Variants in ICA1L observed in about 807,000 individuals in gnomAD.
ICA1L encodes islet cell autoantigen 1-like protein.
Under a neutral mutation model 61.3 loss-of-function variants are expected in ICA1L, and 50 were observed. That is an observed-to-expected ratio of 0.82 (90% confidence interval 0.65 to 1.03). The LOEUF is 1.03. Ranked by LOEUF, ICA1L falls within the 50% of genes least tolerant of loss-of-function variation. The pLI is 0.00. For missense variants in ICA1L, 508 were observed against 556.7 expected (o/e 0.91, Z 0.88); for synonymous variants, 161 against 191.3 (o/e 0.84, Z 1.31).
At chr2:202,838,422 C>T (rs1451033162) in intron 1 of ICA1L, among the ~76,000 whole-genome samples, 1 of 152,152 alleles carries the variant, frequency 6.6e-6, no homozygotes, top group African/African-American at 2.4e-5. Context: ...GAATGTTCTG[C>T]ATATATATGT....
intron 12 of ICA1L, among the ~76,000 whole-genome samples, chr2:202,780,694 T>G (rs930230689): frequency 6.6e-6 from 1 of 151,854 alleles, no homozygotes; most frequent in Non-Finnish European, 1.5e-5. Flanking sequence ...AGGGCTGGGG[T>G]TTGGGGTATA....
chr2:202,832,144 A>G (rs1292402325), intron 1 of ICA1L, among the ~76,000 whole-genome samples: 1 of 152,212 alleles, frequency 6.6e-6, no homozygotes, highest in African/African-American at 2.4e-5. Flanking sequence ...AGTTCAGTCA[A>G]GTTAACTGGC....
intron 1 of ICA1L, among the ~76,000 whole-genome samples, chr2:202,859,419 A>T (rs1282304266): frequency 6.6e-6 from 1 of 152,210 alleles, no homozygotes; most frequent in East Asian, 1.9e-4. Context: ...CTGAAATTTT[A>T]AAATAGTCCC....
At position 202,788,097 on chromosome 2, in the gene ICA1L, C is replaced by T. The variant is rs60424469; in HGVS notation, c.1243+733G>A. Among the ~76,000 whole-genome samples, 214 of 152,260 alleles carry T rather than the reference C, an allele frequency of 1.4e-3. 1 individual carries two copies. Among genetic ancestry groups the T allele is most frequent in the African/African-American group, 4.9e-3 (203 of 41,552 alleles). ...GAGATAGGAGATATGGGTGGAAATG[C>T]GACATAGGCAGGTTTTATCCCTGGA... On this transcript the variant is annotated intron_variant, in intron 11 of 12. Transcript: ENST00000358299.
rs570313950 is a variant in ICA1L at position 202,785,515 on chromosome 2, C to T, written c.1333+403G>A. Among the ~76,000 whole-genome samples, 207 of 152,226 alleles carry T rather than the reference C, an allele frequency of 1.4e-3. 2 individuals carry two copies. Among genetic ancestry groups the T allele is most frequent in the Non-Finnish European group, 2.4e-3 (166 of 68,016 alleles). On this transcript the variant is annotated intron_variant, in intron 12 of 12. Coordinates refer to ENST00000358299, the MANE Select transcript of ICA1L (RefSeq NM_001288622.3). ...TTGGCTCACTGCAACCTCTGCCTCC[C>T]GGGTTAGAGCAATTCTGCCTCAGCC...
chr2:202,819,873 C>CGA lies in ICA1L; in HGVS notation c.384_385dup (p.Arg129LeufsTer3), dbSNP rs1338425034. 6.2e-7 allele frequency: 1 copy of CGA among 1,613,838 alleles called. No homozygotes were observed. The highest frequency in any genetic ancestry group is 1.3e-5 in the African/African-American group (1 of 74,854). On this transcript the variant is annotated frameshift_variant, in exon 5 of 13. Coordinates refer to ENST00000358299, the MANE Select transcript of ICA1L (RefSeq NM_001288622.3). LOFTEE classifies it high-confidence loss of function. The stretch of plus-strand genomic sequence containing the variant: ...GAATGTTGCTACTTCTTGCTTCAGA[C>CGA]GAGACAGAGGAGTACACAGGGCCAA...
intron 3 of ICA1L, among the ~76,000 whole-genome samples, chr2:202,825,183 G>A (rs142834166): frequency 3.0e-4 from 46 of 152,250 alleles, no homozygotes; most frequent in African/African-American, 9.6e-4. Context: ...CAGATGCTGC[G>A]CAGGCCCAGG....
Position 202,849,120 on chromosome 2 carries a change from G to GCC in ICA1L, c.-7-20105_-7-20104insGG, listed in dbSNP as rs1295894864. Among the ~76,000 whole-genome samples, 1 of 152,176 alleles carries GCC rather than the reference G, an allele frequency of 6.6e-6. No homozygotes were observed. Among genetic ancestry groups the GCC allele is most frequent in the African/African-American group, 2.4e-5 (1 of 41,444 alleles). On this transcript the variant is annotated intron_variant, in intron 1 of 12. Transcript: ENST00000358299. This position sits in a 1 kb window ranked among gnomAD's most constrained non-coding sequence, Gnocchi z 4.5. ...ATACTATGCTTTTCTCACAGTTTTTGCAATCCGCAGACCAGAAGATTCCCA... is the reference window on the plus strand; with the variant it reads ...ATACTATGCTTTTCTCACAGTTTTTGCCCAATCCGCAGACCAGAAGATTCCCA...
Position 202,849,786 on chromosome 2 carries a change from A to G in ICA1L, c.-7-20770T>C, listed in dbSNP as rs572984366. On this transcript the variant is annotated intron_variant, in intron 1 of 12. Coordinates refer to ENST00000358299, the MANE Select transcript of ICA1L (RefSeq NM_001288622.3). The surrounding 1 kb of genome is among the most constrained non-coding windows in gnomAD (Gnocchi z 4.5). ...CAAGGAGGATTCTCCCAGCACAGCAATTGAGCTCTGCTAGGGGACAGACAG... is the reference window on the plus strand; with the variant it reads ...CAAGGAGGATTCTCCCAGCACAGCAGTTGAGCTCTGCTAGGGGACAGACAG... Among the ~76,000 whole-genome samples, 7 of 152,200 alleles carry G rather than the reference A, an allele frequency of 4.6e-5. No homozygotes were observed. Among genetic ancestry groups the G allele is most frequent in the Middle Eastern group, 3.2e-3 (1 of 316 alleles).
chr2:202,773,825 T>A lies in ICA1L; in HGVS notation c.*5708A>T, dbSNP rs1692128972. 2.2e-6 allele frequency: 3 copies of A among 1,382,364 alleles called. No homozygotes were observed. The East Asian group carries it at 6.9e-5, about 32-fold the overall frequency. 85.6% of individuals were successfully genotyped at this position (1,382,364 alleles called of 1,614,324 possible). ...GCAGGCTGTAAAAGCAAAGGCTAGCTGTGCAAGTGCAGCCCTGTGGGAAGT... is the reference window on the plus strand; with the variant it reads ...GCAGGCTGTAAAAGCAAAGGCTAGCAGTGCAAGTGCAGCCCTGTGGGAAGT... On this transcript the variant is annotated 3_prime_UTR_variant, in exon 13 of 13. Transcript: ENST00000358299.
intron 11 of ICA1L, among the ~76,000 whole-genome samples, chr2:202,787,922 G>A (rs941477203): frequency 6.6e-6 from 1 of 152,172 alleles, no homozygotes; most frequent in Admixed American, 6.5e-5. Context: ...ACACTGGATT[G>A]GGATCTAATA....
chr2:202,812,736 G>A (rs961864499), intron 8 of ICA1L, among the ~76,000 whole-genome samples: 9 of 151,946 alleles, frequency 5.9e-5, no homozygotes, highest in Admixed American at 3.9e-4. Context: ...AACCTACAGA[G>A]CAAATAAATA....
chr2:202,773,260 A>G lies in ICA1L; in HGVS notation c.*6273T>C, dbSNP rs1459998432. On this transcript the variant is annotated 3_prime_UTR_variant, in exon 13 of 13. Transcript: ENST00000358299. Reference sequence around the variant, plus strand: ...ATTTTTGTAAGTACATGAAATTTCTATTTGATTATGTGGTTTTATATCACA... The same window carrying G: ...ATTTTTGTAAGTACATGAAATTTCTGTTTGATTATGTGGTTTTATATCACA... 2 of 152,244 alleles carry G rather than the reference A, an allele frequency of 1.3e-5. No homozygotes were observed. Among genetic ancestry groups the G allele is most frequent in the African/African-American group, 4.8e-5 (2 of 41,462 alleles). 9.4% of individuals were successfully genotyped at this position (152,244 alleles called of 1,614,324 possible). A position where few individuals can be genotyped will look rare whatever the true frequency, so the allele number is the denominator to read the frequency against.
In ICA1L at chr2:202,776,460, G is replaced by A. The variant is rs1692226469; in HGVS notation, c.*3073C>T. On this transcript the variant is annotated 3_prime_UTR_variant, in exon 13 of 13. Transcript: ENST00000358299. Reference sequence around the variant, plus strand: ...TAATTAATTTACTTCTTATTGAATGGATTATCTAGATTGAGACAAAAAGCA... The same window carrying A: ...TAATTAATTTACTTCTTATTGAATGAATTATCTAGATTGAGACAAAAAGCA... 1 of 152,146 alleles carries A rather than the reference G, an allele frequency of 6.6e-6. No individual in the cohort carries two copies. Among genetic ancestry groups the A allele is most frequent in the Admixed American group, 6.5e-5 (1 of 15,278 alleles). 9.4% of individuals were successfully genotyped at this position (152,146 alleles called of 1,614,324 possible). A position where few individuals can be genotyped will look rare whatever the true frequency, so the allele number is the denominator to read the frequency against.
At chr2:202,790,653 G>C (rs553459590) in intron 10 of ICA1L, among the ~76,000 whole-genome samples, 140 of 152,260 alleles carry the variant, frequency 9.2e-4, no homozygotes, top group Non-Finnish European at 1.6e-3. Context: ...ATAGATAATA[G>C]AGGCTCCCAT....
intron 9 of ICA1L, among the ~76,000 whole-genome samples, chr2:202,807,795 G>A (rs1052754487): frequency 1.6e-4 from 24 of 152,206 alleles, no homozygotes; most frequent in Admixed American, 9.2e-4. Context: ...CAGTAGGATA[G>A]GGGACAAGGT....
intron 9 of ICA1L, among the ~76,000 whole-genome samples, chr2:202,808,779 ATC>A (rs1693296507): frequency 6.6e-6 from 1 of 152,202 alleles, no homozygotes; most frequent in African/African-American, 2.4e-5. Context: ...CCACGGCAGT[ATC>A]TCTACAATTG....
At chr2:202,866,904 G>A (rs558709292) in intron 1 of ICA1L, among the ~76,000 whole-genome samples, 1 of 152,154 alleles carries the variant, frequency 6.6e-6, no homozygotes, top group South Asian at 2.1e-4. Flanking sequence ...CCGAGATCGT[G>A]CCACTACACT....
At chr2:202,833,836 C>T (rs1694076229) in intron 1 of ICA1L, among the ~76,000 whole-genome samples, 1 of 152,142 alleles carries the variant, frequency 6.6e-6, no homozygotes, top group Non-Finnish European at 1.5e-5. Flanking sequence ...ACAAATACCA[C>T]ATGATCTCAA....
Sources: gnomAD v4.1 joint callset for allele counts (sites outside exome capture counted in the v4.1 genomes callset) on GRCh38, gnomAD v4.1.1 for gene constraint, Gnocchi (gnomAD v3.1) non-coding constraint, MANE v1.5 for transcripts, NCBI Gene and HGNC (gene_info 2026-07-23, HGNC 2026-07-21) for gene names.